HS3ST4: variants seen among roughly 807,000 people sequenced by gnomAD.
The protein encoded by HS3ST4 is heparan sulfate glucosamine 3-O-sulfotransferase 4.
In HS3ST4, 17 loss-of-function variants were observed where a neutral mutation model predicts 29.2. That is an observed-to-expected ratio of 0.58 (90% CI 0.40 to 0.87). The LOEUF (loss-of-function observed/expected upper bound fraction) is 0.87. Among genes scored for constraint, HS3ST4 ranks in the 40% least tolerant of loss-of-function variants. The pLI is 0.00. For synonymous variants in HS3ST4, 314 were observed against 285.7 expected, an observed-to-expected ratio of 1.10 and a Z score of -1.00; for missense variants, 627 against 634.5, an observed-to-expected ratio of 0.99 and a Z score of 0.13.
intron 1 of HS3ST4, among the ~76,000 whole-genome samples, chr16:25,936,965 GCA>G (rs953380352): frequency 1.4e-4 from 22 of 152,320 alleles, no homozygotes; most frequent in African/African-American, 5.1e-4. Flanking sequence ...CAAATATTTG[GCA>G]TTTGGCATTA....
At chr16:26,067,458 C>G (rs910692983) in intron 1 of HS3ST4, among the ~76,000 whole-genome samples, 2 of 152,178 alleles carry the variant, frequency 1.3e-5, no homozygotes, top group Non-Finnish European at 2.9e-5. Context: ...TAACTTTTCT[C>G]TGCCACTAAT....
intron 1 of HS3ST4, among the ~76,000 whole-genome samples, chr16:25,786,120 T>C (rs946879665): frequency 1.3e-5 from 2 of 152,052 alleles, no homozygotes; most frequent in Admixed American, 1.3e-4. Flanking sequence ...ATTGGTGACA[T>C]TGTGACACTC....
intron 1 of HS3ST4, among the ~76,000 whole-genome samples, chr16:25,803,324 T>C (rs1284822207): frequency 2.0e-5 from 3 of 152,222 alleles, no homozygotes; most frequent in Non-Finnish European, 4.4e-5. Context: ...GAGACAATTT[T>C]CTTTTCTTGC....
intron 1 of HS3ST4, among the ~76,000 whole-genome samples, chr16:25,859,734 C>T (rs1432682148): frequency 6.6e-6 from 1 of 152,184 alleles, no homozygotes; most frequent in Non-Finnish European, 1.5e-5. Flanking sequence ...AGAAAATATA[C>T]AGATGGCCAA....
intron 1 of HS3ST4, among the ~76,000 whole-genome samples, chr16:25,710,168 G>T (rs756395835): frequency 6.6e-6 from 1 of 152,082 alleles, no homozygotes; most frequent in Non-Finnish European, 1.5e-5. Flanking sequence ...CAGTGTTCTG[G>T]AGAAGAAAAA....
chr16:25,694,629 T>A (rs929993137), intron 1 of HS3ST4, among the ~76,000 whole-genome samples: 1 of 152,032 alleles, frequency 6.6e-6, no homozygotes, highest in Admixed American at 6.6e-5. Context: ...ATTAAAAAGG[T>A]GTTAGGATGA....
chr16:25,994,722 C>T (rs938325534), intron 1 of HS3ST4, among the ~76,000 whole-genome samples: 1 of 151,874 alleles, frequency 6.6e-6, no homozygotes, highest in African/African-American at 2.4e-5. Flanking sequence ...CCCTTTGTAA[C>T]TAAAAAAAAT....
chr16:26,085,034 CG>C (rs1567308644), intron 1 of HS3ST4, among the ~76,000 whole-genome samples: 3 of 152,174 alleles, frequency 2.0e-5, no homozygotes, highest in African/African-American at 7.2e-5. Context: ...AGTGGCTCCA[CG>C]GTGATGAGCA....
At chr16:25,778,342 A>G (rs1036257527) in intron 1 of HS3ST4, among the ~76,000 whole-genome samples, 2 of 152,068 alleles carry the variant, frequency 1.3e-5, no homozygotes, top group Non-Finnish European at 2.9e-5. Context: ...GCCTCACCTT[A>G]TGGTTCCCCT....
chr16:25,906,322 A>G (rs1968179672), intron 1 of HS3ST4, among the ~76,000 whole-genome samples: 1 of 152,208 alleles, frequency 6.6e-6, no homozygotes, highest in Non-Finnish European at 1.5e-5. Context: ...TTTCAAGCAA[A>G]TTCAATTAAA....
At chr16:25,828,300 C>CTTT (rs1567249517) in intron 1 of HS3ST4, among the ~76,000 whole-genome samples, 1,149 of 56,372 alleles carry the variant, frequency 0.02, 38 homozygotes, top group Admixed American at 0.027. Flanking sequence ...TTCTTTCTTT[C>CTTT]CCTCTCTCTC....
In HS3ST4 at chr16:26,117,552, A is replaced by G. The variant is rs576051604; in HGVS notation, c.735-18060A>G. On this transcript the variant is annotated intron_variant, in intron 1 of 1. Transcript: ENST00000331351. ...TGCATTTCATGGCTGAGGTCGCTCC[A>G]TATCCAACTAAATGCTGTGTCTGCT... Among the ~76,000 whole-genome samples, 93 of 152,310 alleles carry G rather than the reference A, an allele frequency of 6.1e-4. 1 individual carries two copies. The highest frequency in any genetic ancestry group is 3.4e-3 in the Middle Eastern group (1 of 294).
chr16:25,747,374 A>C (rs1278481876), intron 1 of HS3ST4, among the ~76,000 whole-genome samples: 3 of 152,210 alleles, frequency 2.0e-5, no homozygotes, highest in African/African-American at 7.2e-5. Context: ...CCCCAGGCAA[A>C]GCTGAGCTTT....
At position 25,692,726 on chromosome 16, in the gene HS3ST4, G is replaced by A; in HGVS notation, c.309G>A (p.Leu103=). The stretch of plus-strand genomic sequence containing the variant: ...CGCAGCCGCCCGCGCCGCCGCCGCT[G>A]GACAACGCGAGCCACGGGGAGCCGC... ...APSQPPAPPP[L]DNASHGEPPE... is the part of the protein sequence containing the mutation. Residue 103 remains leucine, a synonymous_variant, in exon 1 of 2, where the codon CTG becomes CTA. Coordinates refer to ENST00000331351, the MANE Select transcript of HS3ST4 (RefSeq NM_006040.3). 1 of 1,270,082 alleles carries A rather than the reference G, an allele frequency of 7.9e-7. No individual in the cohort carries two copies. Among genetic ancestry groups the A allele is most frequent in the South Asian group, 2.9e-5 (1 of 34,604 alleles). 78.7% of individuals were successfully genotyped at this position (1,270,082 alleles called of 1,614,324 possible). A position where few individuals can be genotyped will look rare whatever the true frequency, so the allele number is the denominator to read the frequency against.
intron 1 of HS3ST4, among the ~76,000 whole-genome samples, chr16:25,956,474 G>A (rs554483425): frequency 6.6e-6 from 1 of 152,256 alleles, no homozygotes; most frequent in Non-Finnish European, 1.5e-5. Context: ...AGCTAGGCAA[G>A]AGAAAGAAAT....
At chr16:25,763,872 T>C (rs1966803153) in intron 1 of HS3ST4, among the ~76,000 whole-genome samples, 1 of 152,188 alleles carries the variant, frequency 6.6e-6, no homozygotes, top group African/African-American at 2.4e-5. Flanking sequence ...GAAAAATTTC[T>C]CTAGCTGTGG....
chr16:25,744,777 T>C (rs1966675779), intron 1 of HS3ST4, among the ~76,000 whole-genome samples: 1 of 152,192 alleles, frequency 6.6e-6, no homozygotes, highest in Non-Finnish European at 1.5e-5. Context: ...TCATGAGATC[T>C]GATGGTTTTG....
intron 1 of HS3ST4, among the ~76,000 whole-genome samples, chr16:25,956,978 A>G (rs1293901382): frequency 2.1e-5 from 3 of 145,046 alleles, no homozygotes; most frequent in African/African-American, 2.6e-5. Flanking sequence ...AGCCTGGGCA[A>G]CAGAGCGAGA....
At chr16:25,891,849 G>A (rs755884160) in intron 1 of HS3ST4, among the ~76,000 whole-genome samples, 17 of 152,184 alleles carry the variant, frequency 1.1e-4, no homozygotes, top group Non-Finnish European at 2.2e-4. Context: ...TTCACATTGC[G>A]ACTTCACCAC....
Sources: gnomAD v4.1 joint callset for allele counts (sites outside exome capture counted in the v4.1 genomes callset) on GRCh38, gnomAD v4.1.1 for gene constraint, MANE v1.5 for transcripts, NCBI Gene and HGNC (gene_info 2026-07-23, HGNC 2026-07-21) for gene names.